RABGAP1L: variants seen among roughly 807,000 people sequenced by gnomAD.
RABGAP1L encodes the protein RAB GTPase activating protein 1 like.
A neutral mutation model predicts 137.7 loss-of-function variants in RABGAP1L; 63 were observed. The observed-to-expected ratio is 0.46, with a 90% CI of 0.37 to 0.56. The LOEUF is 0.56. Among genes scored for constraint, RABGAP1L ranks in the 20% least tolerant of loss-of-function variants. RABGAP1L has a pLI of 0.00. For missense variants in RABGAP1L, 1,095 were observed against 1,244.0 expected (o/e 0.88, Z 1.80); for synonymous variants, 431 against 433.7 (o/e 0.99, Z 0.08).
intron 18 of RABGAP1L, among the ~76,000 whole-genome samples, chr1:174,803,071 A>G (rs1467083538): frequency 6.6e-6 from 1 of 152,056 alleles, no homozygotes; most frequent in Non-Finnish European, 1.5e-5. Context: ...TTTTTTCATC[A>G]TAAAACCAGT....
rs564290041 is a variant in RABGAP1L, at chr1:174,513,387, C to T, written c.1710+119242C>T. Among the ~76,000 whole-genome samples, 166 of 152,082 alleles carry T rather than the reference C, an allele frequency of 1.1e-3. No homozygotes were observed. The South Asian group carries it at 0.022, about 20-fold the overall frequency. Reference sequence around the variant, plus strand: ...AATAAAATTGCTGAGGCAGGAGGAACGCTTGAGGCTAGGAGATTGAGACCA... The same window carrying T: ...AATAAAATTGCTGAGGCAGGAGGAATGCTTGAGGCTAGGAGATTGAGACCA... On this transcript the variant is annotated intron_variant, in intron 13 of 25. Coordinates refer to ENST00000681986, the MANE Select transcript of RABGAP1L (RefSeq NM_001366446.1).
chr1:174,185,029 TC>T (rs1195237401), intron 1 of RABGAP1L, among the ~76,000 whole-genome samples: 1 of 152,196 alleles, frequency 6.6e-6, no homozygotes, highest in Non-Finnish European at 1.5e-5. Flanking sequence ...TGGCAACCCT[TC>T]CCTGCCTAAC....
At chr1:174,798,689 C>A (rs892735593) in intron 18 of RABGAP1L, among the ~76,000 whole-genome samples, 5 of 152,052 alleles carry the variant, frequency 3.3e-5, no homozygotes, top group Admixed American at 6.6e-5. Context: ...AGATATGTAA[C>A]TCTTATTTGT....
chr1:174,789,406 T>C (rs1687686646), intron 18 of RABGAP1L, among the ~76,000 whole-genome samples: 1 of 152,210 alleles, frequency 6.6e-6, no homozygotes, highest in Non-Finnish European at 1.5e-5. Context: ...ATGAAGAATA[T>C]ATTTTCAGAT....
At chr1:174,920,745 G>C (rs1339912510) in intron 19 of RABGAP1L, among the ~76,000 whole-genome samples, 1 of 152,126 alleles carries the variant, frequency 6.6e-6, no homozygotes, top group African/African-American at 2.4e-5. Context: ...TTTGGACACA[G>C]ACACACACAA....
chr1:174,587,597 A>T (rs1453063370), intron 13 of RABGAP1L, among the ~76,000 whole-genome samples: 3 of 152,088 alleles, frequency 2.0e-5, no homozygotes, highest in Non-Finnish European at 2.9e-5. Flanking sequence ...CTATAAAGGG[A>T]TTCCAAAAGT....
At chr1:174,664,315 C>T (rs1676593683) in intron 14 of RABGAP1L, among the ~76,000 whole-genome samples, 1 of 152,070 alleles carries the variant, frequency 6.6e-6, no homozygotes, top group African/African-American at 2.4e-5. Flanking sequence ...GTACAATTAT[C>T]CCCAAGAAGA....
intron 17 of RABGAP1L, among the ~76,000 whole-genome samples, chr1:174,739,601 G>T (rs1452708148): frequency 6.6e-6 from 1 of 152,140 alleles, no homozygotes; most frequent in Non-Finnish European, 1.5e-5. Flanking sequence ...TGGATCTCCT[G>T]CCTCTGTGTG....
chr1:174,336,066 A>T (rs995230905), intron 11 of RABGAP1L, among the ~76,000 whole-genome samples: 1 of 152,152 alleles, frequency 6.6e-6, no homozygotes, highest in Non-Finnish European at 1.5e-5. Context: ...TCTTAAAAAA[A>T]TTTTCCCCCT....
chr1:174,320,888 G>T (rs1049473602), intron 11 of RABGAP1L, among the ~76,000 whole-genome samples: 1 of 152,100 alleles, frequency 6.6e-6, no homozygotes, highest in African/African-American at 2.4e-5. Flanking sequence ...CAAGAACAGG[G>T]TAACAGTGAT....
intron 18 of RABGAP1L, among the ~76,000 whole-genome samples, chr1:174,777,693 T>C (rs1471737901): frequency 6.6e-6 from 1 of 152,088 alleles, no homozygotes; most frequent in Non-Finnish European, 1.5e-5. Context: ...TGCAAGATAT[T>C]TAAAAAGAAC....
intron 7 of RABGAP1L, among the ~76,000 whole-genome samples, chr1:174,260,941 A>T (rs897517891): frequency 1.3e-5 from 2 of 151,904 alleles, no homozygotes; most frequent in African/African-American, 4.8e-5. Flanking sequence ...ATTTCATGAT[A>T]AAATGATTCA....
chr1:174,937,632 A>ATATATC (rs1190513202), intron 19 of RABGAP1L, among the ~76,000 whole-genome samples: 1 of 128,600 alleles, frequency 7.8e-6, no homozygotes, highest in Non-Finnish European at 1.6e-5. Flanking sequence ...ATATATATAT[A>ATATATC]TATCTTGCAG....
intron 19 of RABGAP1L, among the ~76,000 whole-genome samples, chr1:174,862,349 C>A (rs1424518075): frequency 6.6e-6 from 1 of 151,908 alleles, no homozygotes; most frequent in Non-Finnish European, 1.5e-5. Context: ...TACCCTGAAA[C>A]TGGTGATTTG....
At chr1:174,914,831 C>T (rs1363281400) in intron 19 of RABGAP1L, among the ~76,000 whole-genome samples, 2 of 152,108 alleles carry the variant, frequency 1.3e-5, no homozygotes, top group African/African-American at 4.8e-5. Context: ...AGCCCTCATC[C>T]TACCCCCCAG....
intron 1 of RABGAP1L, among the ~76,000 whole-genome samples, chr1:174,190,071 G>A (rs1027542735): frequency 8.5e-5 from 13 of 152,240 alleles, no homozygotes; most frequent in South Asian, 6.2e-4. Flanking sequence ...TTGGGAGGCC[G>A]AGGCGGGTGG....
intron 1 of RABGAP1L, among the ~76,000 whole-genome samples, chr1:174,176,679 TC>T (rs1665877793): frequency 8.9e-6 from 1 of 112,760 alleles, no homozygotes; most frequent in Admixed American, 1.4e-4. Flanking sequence ...ACCACTGTAC[TC>T]CAGCATGGAC....
chr1:174,384,504 A>G (rs1686567431), intron 12 of RABGAP1L, among the ~76,000 whole-genome samples: 1 of 118,674 alleles, frequency 8.4e-6, no homozygotes, highest in Non-Finnish European at 1.8e-5. Flanking sequence ...TAGTGTCACT[A>G]AACCAAAAAA....
rs76940225 is a variant in RABGAP1L at position 174,478,828 on chromosome 1, A to G, written c.1710+84683A>G. ...CTCAATTGTATTCTGAGTAACTTCC[A>G]TCTTCCATCATTATCATTAATATAA... On this transcript the variant is annotated intron_variant, in intron 13 of 25. Transcript: ENST00000681986. Among the ~76,000 whole-genome samples the G allele has an allele frequency of 1.1e-3, 163 of 152,312 alleles. 1 individual carries two copies. Among genetic ancestry groups the G allele is most frequent in the African/African-American group, 3.5e-3 (147 of 41,562 alleles).
Sources: gnomAD v4.1 joint callset for allele counts (sites outside exome capture counted in the v4.1 genomes callset) on GRCh38, gnomAD v4.1.1 for gene constraint, MANE v1.5 for transcripts, NCBI Gene and HGNC (gene_info 2026-07-23, HGNC 2026-07-21) for gene names.